SPATS2L: variants seen among roughly 807,000 people sequenced by gnomAD.
The protein encoded by SPATS2L is spermatogenesis associated serine rich 2 like, also known as SPATS2-like protein.
In SPATS2L, 30 loss-of-function variants were observed where a neutral mutation model predicts 59.6. That is an observed-to-expected ratio of 0.50 (90% CI 0.38 to 0.68). The LOEUF is 0.68. SPATS2L is among the 30% of genes least tolerant of loss of function. The pLI, the probability that SPATS2L is intolerant of heterozygous loss-of-function variation, is 0.00. For missense variants in SPATS2L, 615 were observed against 700.0 expected, an observed-to-expected ratio of 0.88 and a Z score of 1.37; for synonymous variants, 252 against 263.5, an observed-to-expected ratio of 0.96 and a Z score of 0.42.
At chr2:200,455,560 G>T (rs563482676) in intron 8 of SPATS2L, among the ~76,000 whole-genome samples, 5 of 152,330 alleles carry the variant, frequency 3.3e-5, no homozygotes, top group African/African-American at 1.2e-4. Context: ...CGAGGCAACT[G>T]AGGGCTGATA....
intron 2 of SPATS2L, among the ~76,000 whole-genome samples, chr2:200,355,754 G>T (rs1055884471): frequency 6.6e-6 from 1 of 152,180 alleles, no homozygotes; most frequent in Non-Finnish European, 1.5e-5. Flanking sequence ...AAACACATTT[G>T]CAGGTAATTA....
At chr2:200,323,621 T>C (rs1166111766) in intron 1 of SPATS2L, among the ~76,000 whole-genome samples, 3 of 152,140 alleles carry the variant, frequency 2.0e-5, no homozygotes, top group Admixed American at 6.5e-5. Flanking sequence ...TTAGAGTCTC[T>C]CAGAGTTTGG....
chr2:200,389,344 A>G, intron 3 of SPATS2L, 61 bp downstream of exon 3: 1 of 1,238,656 alleles, frequency 8.1e-7, no homozygotes, highest in Non-Finnish European at 1.1e-6. Context: ...AGTTCCTAGC[A>G]GGTAAAAACT....
chr2:200,439,425 A>G (rs1249691833), intron 7 of SPATS2L, 97 bp downstream of exon 7: 1 of 1,006,760 alleles, frequency 9.9e-7, no homozygotes, highest in African/African-American at 1.6e-5. Context: ...TGCTTAGTGA[A>G]GAGAGATGCA....
chr2:200,378,175 A>T (rs2081664729), intron 2 of SPATS2L: 1 of 989,324 alleles, frequency 1.0e-6, no homozygotes, highest in Non-Finnish European at 1.2e-6. Flanking sequence ...CTGATTACTC[A>T]GCCACGCCCA....
intron 3 of SPATS2L, chr2:200,390,888 G>A (rs2082152065): frequency 6.6e-6 from 1 of 151,706 alleles, no homozygotes; most frequent in African/African-American, 2.4e-5. Context: ...AGGGCCAGGT[G>A]TGGTGGCTCA....
chr2:200,440,362 C>T (rs2084612223), intron 7 of SPATS2L, among the ~76,000 whole-genome samples: 1 of 152,182 alleles, frequency 6.6e-6, no homozygotes, highest in Admixed American at 6.5e-5. Context: ...GATTCTAAGG[C>T]ACTGCAGTTT....
chr2:200,318,771 G>A (rs531341309), intron 1 of SPATS2L, among the ~76,000 whole-genome samples: 72 of 152,274 alleles, frequency 4.7e-4, no homozygotes, highest in African/African-American at 1.6e-3. Flanking sequence ...AGCAGACAAT[G>A]GAAACGGAAA....
At chr2:200,352,285 G>T in intron 2 of SPATS2L, among the ~76,000 whole-genome samples, 1 of 121,700 alleles carries the variant, frequency 8.2e-6, no homozygotes, top group Non-Finnish European at 1.7e-5. Context: ...AAAATATTTT[G>T]GTTTTGAGGC....
intron 3 of SPATS2L, among the ~76,000 whole-genome samples, chr2:200,400,299 A>G (rs1255034248): frequency 6.6e-6 from 1 of 152,188 alleles, no homozygotes; most frequent in African/African-American, 2.4e-5. Context: ...AGTGGACTCA[A>G]GGACTCAGTG....
chr2:200,372,727 T>C (rs548550991), intron 2 of SPATS2L, among the ~76,000 whole-genome samples: 2 of 152,170 alleles, frequency 1.3e-5, no homozygotes, highest in Non-Finnish European at 2.9e-5. Flanking sequence ...CGGAGTTAGT[T>C]TGAGAGGTTT....
intron 6 of SPATS2L, among the ~76,000 whole-genome samples, chr2:200,420,300 C>G (rs1553528115): frequency 6.6e-6 from 1 of 151,962 alleles, no homozygotes; most frequent in Non-Finnish European, 1.5e-5. Context: ...TAAAATAAAT[C>G]TCATGCATAA....
At chr2:200,356,682 A>G (rs956102841) in intron 2 of SPATS2L, among the ~76,000 whole-genome samples, 1 of 152,230 alleles carries the variant, frequency 6.6e-6, no homozygotes, top group African/African-American at 2.4e-5. Context: ...TGGCTTGGTA[A>G]ATGACTAATA....
At chr2:200,384,289 T>C (rs2081919362) in intron 2 of SPATS2L, among the ~76,000 whole-genome samples, 1 of 152,212 alleles carries the variant, frequency 6.6e-6, no homozygotes, top group South Asian at 2.1e-4. Context: ...TTCAATATAA[T>C]TTTGTGTTTG....
intron 3 of SPATS2L, among the ~76,000 whole-genome samples, chr2:200,396,031 A>T (rs868399010): frequency 0.021 from 634 of 30,742 alleles, 38 homozygotes; most frequent in Non-Finnish European, 0.033. Context: ...AAAAAAAAAA[A>T]AAATATATAT....
At chr2:200,454,203 G>A (rs139954150) in intron 8 of SPATS2L, among the ~76,000 whole-genome samples, 1 of 152,298 alleles carries the variant, frequency 6.6e-6, no homozygotes, top group Non-Finnish European at 1.5e-5. Context: ...TCTGGCTGTT[G>A]TTACAGATTG....
intron 6 of SPATS2L, among the ~76,000 whole-genome samples, chr2:200,428,018 C>T (rs909258822): frequency 4.7e-5 from 7 of 150,314 alleles, no homozygotes; most frequent in African/African-American, 1.2e-4. Context: ...CACAGTGAGC[C>T]GTGATCACAC....
intron 3 of SPATS2L, chr2:200,393,058 C>A: frequency 2.8e-6 from 1 of 361,482 alleles, no homozygotes; most frequent in Non-Finnish European, 5.5e-6. Flanking sequence ...AATGTCTGAA[C>A]TCACAGTCAT....
intron 2 of SPATS2L, among the ~76,000 whole-genome samples, chr2:200,332,388 G>A (rs35157049): frequency 0.012 from 1,786 of 152,148 alleles, 12 homozygotes; most frequent in Middle Eastern, 0.045. Flanking sequence ...GGGACCACAG[G>A]TGCATGCCAC....
Sources: allele counts gnomAD v4.1 joint callset (sites outside exome capture counted in the v4.1 genomes callset), GRCh38; gene constraint gnomAD v4.1.1; transcripts MANE v1.5; gene names NCBI Gene and HGNC (gene_info 2026-07-23, HGNC 2026-07-21).